The following FOXP1 variants were observed in gnomAD, a reference collection of about 807,000 sequenced individuals.
FOXP1 encodes the protein forkhead box P1, also known as forkhead box protein P1.
FOXP1 carries 15 observed loss-of-function variants against 98.2 expected under a neutral mutation model. That is an observed-to-expected ratio of 0.15 (90% confidence interval 0.10 to 0.24). The LOEUF is 0.24. Ranked by LOEUF, FOXP1 falls within the 10% of genes least tolerant of loss-of-function variation. The pLI, the probability that FOXP1 is intolerant of heterozygous loss-of-function variation, is 1.00. For synonymous variants in FOXP1, 371 were observed against 314.5 expected (o/e 1.18, Z -1.90); for missense variants, 633 against 848.5 (o/e 0.75, Z 3.15).
intron 3 of FOXP1, among the ~76,000 whole-genome samples, chr3:71,395,121 A>G (rs2081292866): frequency 6.6e-6 from 1 of 151,342 alleles, no homozygotes; most frequent in African/African-American, 2.4e-5. Context: ...AAAAAAAAAA[A>G]AAAATTGAAC....
chr3:71,347,712 C>G, intron 4 of FOXP1, among the ~76,000 whole-genome samples: 1 of 152,014 alleles, frequency 6.6e-6, no homozygotes, highest in East Asian at 1.9e-4. Context: ...ATAGAGAAAC[C>G]CCGTCTCTAC....
chr3:71,431,569 G>A (rs752288017), intron 3 of FOXP1, among the ~76,000 whole-genome samples: 1 of 152,134 alleles, frequency 6.6e-6, no homozygotes, highest in African/African-American at 2.4e-5. Flanking sequence ...CCAAGTAAGT[G>A]GCGAAGCAGA....
At chr3:71,116,729 G>T (rs757872351) in intron 6 of FOXP1, among the ~76,000 whole-genome samples, 5 of 152,124 alleles carry the variant, frequency 3.3e-5, no homozygotes, top group South Asian at 2.1e-4. Flanking sequence ...ACCACTAAAA[G>T]GTGTTTTCTT....
At chr3:71,232,888 A>AAAAAAAAAAAAAAAAAAAAAAAAAAC (rs2066429481) in intron 5 of FOXP1, among the ~76,000 whole-genome samples, 1 of 146,422 alleles carries the variant, frequency 6.8e-6, no homozygotes, top group African/African-American at 2.5e-5. Flanking sequence ...AAAAAAAAAA[A>AAAAAAAAAAAAAAAAAAAAAAAAAAC]AAAAAAAAGC....
intron 3 of FOXP1, among the ~76,000 whole-genome samples, chr3:71,451,533 GA>G (rs1340861726): frequency 2.7e-5 from 4 of 146,868 alleles, no homozygotes; most frequent in African/African-American, 1.0e-4. Flanking sequence ...TCATTTAAAT[GA>G]GTTTTTTTTT....
At chr3:71,473,603 T>C (rs1334277606) in intron 3 of FOXP1, among the ~76,000 whole-genome samples, 2 of 152,048 alleles carry the variant, frequency 1.3e-5, no homozygotes, top group African/African-American at 4.8e-5. Context: ...AACTGATGTA[T>C]AACTGCCCGC....
At chr3:71,265,935 C>A (rs2069602752) in intron 5 of FOXP1, among the ~76,000 whole-genome samples, 1 of 152,274 alleles carries the variant, frequency 6.6e-6, no homozygotes, top group South Asian at 2.1e-4. Context: ...TGAGAGCAAA[C>A]CTCCAAAGTG....
At chr3:71,130,382 A>G in intron 6 of FOXP1, 1 of 999,140 alleles carries the variant, frequency 1.0e-6, no homozygotes, top group Non-Finnish European at 1.5e-6. Flanking sequence ...GAAAAAAAGC[A>G]GTAAACAAGT....
At chr3:71,068,410 G>A (rs2052812410) in intron 7 of FOXP1, among the ~76,000 whole-genome samples, 1 of 152,194 alleles carries the variant, frequency 6.6e-6, no homozygotes, top group Non-Finnish European at 1.5e-5. Context: ...GTCAGGAGGA[G>A]CGTCTCCTCA....
At chr3:71,523,941 C>T (rs1046665442) in intron 2 of FOXP1, among the ~76,000 whole-genome samples, 7 of 152,010 alleles carry the variant, frequency 4.6e-5, no homozygotes, top group African/African-American at 1.2e-4. Context: ...TGACTCATCA[C>T]GGAGATGAGG....
chr3:71,298,605 T>C lies in FOXP1; in HGVS notation c.-12+1215A>G, dbSNP rs144418019. ...TGCCGAAACATCTGAAACGTATGTTTGTCCTCTCTGAAATACAATTAGGTA... is the reference window on the plus strand; with the variant it reads ...TGCCGAAACATCTGAAACGTATGTTCGTCCTCTCTGAAATACAATTAGGTA... On this transcript the variant is annotated intron_variant, in intron 5 of 20. Coordinates refer to ENST00000649528, the MANE Select transcript of FOXP1 (RefSeq NM_001349338.3). Among the ~76,000 whole-genome samples the C allele has an allele frequency of 3.9e-5, 6 of 152,364 alleles. No individual in the cohort carries two copies. The East Asian group carries it at 1.2e-3, about 29-fold the overall frequency.
intron 3 of FOXP1, among the ~76,000 whole-genome samples, chr3:71,372,440 C>T (rs149844133): frequency 1.9e-4 from 29 of 152,278 alleles, no homozygotes; most frequent in Admixed American, 4.6e-4. Context: ...TCCCATTCCA[C>T]GCAGATATCT....
chr3:71,137,998 T>C (rs545155686), intron 6 of FOXP1, among the ~76,000 whole-genome samples: 2 of 152,172 alleles, frequency 1.3e-5, no homozygotes, highest in South Asian at 2.1e-4. Context: ...CTCCAAGATA[T>C]ATTTATCTTT....
chr3:71,501,080 T>C (rs2107177701), intron 2 of FOXP1, among the ~76,000 whole-genome samples: 1 of 152,018 alleles, frequency 6.6e-6, no homozygotes, highest in Admixed American at 6.6e-5. Context: ...TAATCCCAGC[T>C]ATTCGGGAGG....
intron 5 of FOXP1, among the ~76,000 whole-genome samples, chr3:71,279,308 C>T (rs2071264083): frequency 1.3e-5 from 2 of 152,114 alleles, no homozygotes; most frequent in East Asian, 3.9e-4. Flanking sequence ...AGCTTTTCAC[C>T]CAGCATGTCC....
intron 7 of FOXP1, among the ~76,000 whole-genome samples, chr3:71,109,293 T>C (rs908721891): frequency 4.6e-5 from 7 of 152,354 alleles, no homozygotes; most frequent in Non-Finnish European, 7.3e-5. Flanking sequence ...TAACCACTTA[T>C]AGCCTCCTCT....
intron 6 of FOXP1, among the ~76,000 whole-genome samples, chr3:71,160,513 A>C (rs1171283116): frequency 6.6e-6 from 1 of 152,228 alleles, no homozygotes; most frequent in Non-Finnish European, 1.5e-5. Context: ...AAGTGAAAAC[A>C]GATATTTCCA....
At chr3:71,535,755 T>C (rs921520363) in intron 2 of FOXP1, among the ~76,000 whole-genome samples, 5 of 152,044 alleles carry the variant, frequency 3.3e-5, no homozygotes, top group African/African-American at 1.2e-4. Flanking sequence ...GATGAGAAAT[T>C]AGAGAACTCT....
At chr3:71,207,247 C>CTTT (rs11425660) in intron 5 of FOXP1, among the ~76,000 whole-genome samples, 2 of 148,968 alleles carry the variant, frequency 1.3e-5, no homozygotes, top group South Asian at 2.1e-4. Flanking sequence ...TCAGAAAAGT[C>CTTT]TTTTTTTTTT....
Sources: allele counts gnomAD v4.1 joint callset (sites outside exome capture counted in the v4.1 genomes callset), GRCh38; gene constraint gnomAD v4.1.1; transcripts MANE v1.5; gene names NCBI Gene and HGNC (gene_info 2026-07-23, HGNC 2026-07-21).